Variants in ASTN2 observed in about 807,000 individuals in gnomAD.
ASTN2 encodes astrotactin 2.
In ASTN2, 54 loss-of-function variants were observed where a neutral mutation model predicts 139.8. That is an observed-to-expected ratio of 0.39 (90% CI 0.31 to 0.48). ASTN2 has a LOEUF of 0.48. ASTN2 is among the 20% of genes least tolerant of loss of function. ASTN2 has a pLI of 0.95. For synonymous variants in ASTN2, 756 were observed against 719.5 expected, an observed-to-expected ratio of 1.05 and a Z score of -0.81; for missense variants, 1,565 against 1,725.1, an observed-to-expected ratio of 0.91 and a Z score of 1.64.
intron 16 of ASTN2, among the ~76,000 whole-genome samples, chr9:116,664,916 G>A (rs1252411635): frequency 6.6e-6 from 1 of 152,152 alleles, no homozygotes; most frequent in African/African-American, 2.4e-5. Context: ...CAGTGTTGGA[G>A]GTGAGACGGG....
intron 11 of ASTN2, among the ~76,000 whole-genome samples, chr9:116,839,849 T>C (rs4434685): frequency 6.9e-4 from 98 of 142,528 alleles, no homozygotes; most frequent in Non-Finnish European, 1.7e-4. Flanking sequence ...TTTTTTATTT[T>C]ATTTTATTTC....
intron 1 of ASTN2, among the ~76,000 whole-genome samples, chr9:117,332,617 T>G (rs1420142349): frequency 6.6e-6 from 1 of 152,058 alleles, no homozygotes; most frequent in Non-Finnish European, 1.5e-5. Flanking sequence ...ATTAGCCTAT[T>G]TAACAGATGA....
intron 10 of ASTN2, among the ~76,000 whole-genome samples, chr9:116,898,313 A>T (rs1833927161): frequency 6.6e-6 from 1 of 151,194 alleles, no homozygotes; most frequent in Admixed American, 6.6e-5. Flanking sequence ...GGTGGCTAAG[A>T]TGGGAGGATC....
chr9:116,846,735 G>C (rs1326813), intron 11 of ASTN2, among the ~76,000 whole-genome samples: 34,994 of 152,078 alleles, frequency 0.23, 4,681 homozygotes, highest in Admixed American at 0.3. Flanking sequence ...TAGCTGGTCC[G>C]TAAGGGGTCT....
At chr9:116,805,601 G>C (rs1281980892) in intron 13 of ASTN2, 31 bp downstream of exon 13, 5 of 1,601,178 alleles carry the variant, frequency 3.1e-6, no homozygotes, top group Admixed American at 3.4e-5. Context: ...CAGTGACTCA[G>C]ACAAGCAATG....
At chr9:116,872,064 A>T (rs772070520) in intron 10 of ASTN2, among the ~76,000 whole-genome samples, 23 of 152,162 alleles carry the variant, frequency 1.5e-4, no homozygotes, top group Non-Finnish European at 2.6e-4. Context: ...TCCCAGTTCA[A>T]GCAATTCTCC....
At chr9:116,823,807 A>C (rs981970882) in intron 11 of ASTN2, among the ~76,000 whole-genome samples, 1 of 152,210 alleles carries the variant, frequency 6.6e-6, no homozygotes, top group Admixed American at 6.5e-5. Flanking sequence ...TCCTAAGTAC[A>C]TGAAGTGGGT....
rs148751379 is a variant in ASTN2 at position 117,330,854 on chromosome 9, A to C, written c.443-39341T>G. 2.7e-3 allele frequency among the ~76,000 whole-genome samples: 405 copies of C among 152,276 alleles called. 3 individuals are homozygous for C. The highest frequency in any genetic ancestry group is 9.3e-3 in the African/African-American group (388 of 41,560). ...GCAGAAAATTCCTGAAATGAAGGGG[A>C]TGTGCCCTTCTCCGGATCTTCTCTC... On this transcript the variant is annotated intron_variant, in intron 1 of 22. Transcript: ENST00000313400.
At chr9:116,906,616 T>C (rs1834168931) in intron 10 of ASTN2, among the ~76,000 whole-genome samples, 1 of 152,208 alleles carries the variant, frequency 6.6e-6, no homozygotes, top group Non-Finnish European at 1.5e-5. Context: ...TTTTCTTATG[T>C]GCCCCTCACC....
chr9:116,446,270 G>GAGAC (rs1476504994), intron 20 of ASTN2, among the ~76,000 whole-genome samples: 1 of 72,558 alleles, frequency 1.4e-5, no homozygotes, highest in South Asian at 4.6e-4. Context: ...GAGAGAGAGA[G>GAGAC]ATAGAGAGAG....
At chr9:117,207,742 C>T (rs1041523650) in intron 3 of ASTN2, among the ~76,000 whole-genome samples, 2 of 152,166 alleles carry the variant, frequency 1.3e-5, no homozygotes, top group Non-Finnish European at 2.9e-5. Flanking sequence ...GGAACAGCCC[C>T]ATGGCCCTAA....
intron 20 of ASTN2, among the ~76,000 whole-genome samples, chr9:116,465,971 T>TCC (rs1848637681): frequency 1.3e-5 from 2 of 151,804 alleles, no homozygotes; most frequent in African/African-American, 4.8e-5. Context: ...CCATACTTTA[T>TCC]TTTATTTCAG....
At chr9:117,221,992 T>C (rs1281823112) in intron 2 of ASTN2, among the ~76,000 whole-genome samples, 1 of 152,204 alleles carries the variant, frequency 6.6e-6, no homozygotes, top group East Asian at 1.9e-4. Flanking sequence ...TGTGACAATT[T>C]GATCTACAAA....
chr9:117,116,572 A>G (rs1829396843), intron 4 of ASTN2, among the ~76,000 whole-genome samples: 1 of 128,248 alleles, frequency 7.8e-6, no homozygotes, highest in African/African-American at 3.4e-5. Flanking sequence ...AAAAGATTTC[A>G]TCAAAAGTTT....
chr9:116,825,366 C>A (rs10983361), intron 11 of ASTN2, among the ~76,000 whole-genome samples: 2,487 of 152,202 alleles, frequency 0.016, 27 homozygotes, highest in East Asian at 0.034. Flanking sequence ...ATAATAGACA[C>A]CTAATAAATG....
intron 10 of ASTN2, among the ~76,000 whole-genome samples, chr9:116,890,045 A>T (rs1833723809): frequency 6.6e-6 from 1 of 152,222 alleles, no homozygotes; most frequent in South Asian, 2.1e-4. Flanking sequence ...AGCTCATTTC[A>T]ACCAGCAAGT....
At position 117,327,735 on chromosome 9, in the gene ASTN2, C is replaced by T. The variant is rs377680288; in HGVS notation, c.443-36222G>A. Among the ~76,000 whole-genome samples the T allele has an allele frequency of 2.0e-4, 30 of 152,254 alleles. 1 individual carries two copies. In the East Asian group the frequency reaches 4.4e-3, roughly 23 times the overall value. ...AGGTTGTGAAGAGCTCCCTTATCCT[C>T]CCTCCTTCAACAAATATTTGCAATA... On this transcript the variant is annotated intron_variant, in intron 1 of 22. Transcript: ENST00000313400.
At position 116,472,656 on chromosome 9, in the gene ASTN2, C is replaced by T. The variant is rs1848848467; in HGVS notation, c.3497+14703G>A. 2.0e-5 allele frequency among the ~76,000 whole-genome samples: 3 copies of T among 151,818 alleles called. No individual in the cohort carries two copies. In the South Asian group the frequency reaches 6.2e-4, roughly 32 times the overall value. On this transcript the variant is annotated intron_variant, in intron 20 of 22. Transcript: ENST00000313400. ...TGGTAGCTCATACCTGTAATCCCAG[C>T]ACCTTGGGAGGCTGAGGCAGGCAGA...
intron 10 of ASTN2, among the ~76,000 whole-genome samples, chr9:116,925,169 C>T (rs1834720010): frequency 2.0e-5 from 3 of 152,130 alleles, no homozygotes; most frequent in Non-Finnish European, 2.9e-5. Flanking sequence ...AACAAAATAT[C>T]AGATATTTTA....
Sources: gnomAD v4.1 joint callset for allele counts (sites outside exome capture counted in the v4.1 genomes callset) on GRCh38, gnomAD v4.1.1 for gene constraint, MANE v1.5 for transcripts, NCBI Gene and HGNC (gene_info 2026-07-23, HGNC 2026-07-21) for gene names.